HVCN1: variants seen among roughly 807,000 people sequenced by gnomAD.
HVCN1 encodes voltage-gated hydrogen channel 1.
HVCN1 carries 14 observed loss-of-function variants against 29.2 expected under a neutral mutation model. That is an observed-to-expected ratio of 0.48 (90% CI 0.32 to 0.75). HVCN1 has a LOEUF of 0.75. HVCN1 is among the 30% of genes least tolerant of loss of function. The pLI is 0.04. For missense variants in HVCN1, 263 were observed against 341.8 expected (o/e 0.77, Z 1.82); for synonymous variants, 131 against 133.2 (o/e 0.98, Z 0.11).
chr12:110,693,182 G>T (rs1198375171), upstream of HVCN1, among the ~76,000 whole-genome samples: 2 of 151,946 alleles, frequency 1.3e-5, no homozygotes, highest in Non-Finnish European at 2.9e-5. Flanking sequence ...TGAGCCACTG[G>T]CCTTTAACTG....
intron 2 of HVCN1, 115 bp from the exon 3 acceptor site, chr12:110,683,379 GC>G: frequency 7.8e-7 from 1 of 1,279,490 alleles, no homozygotes; most frequent in Non-Finnish European, 1.1e-6. Context: ...TTTTAACTGT[GC>G]CCGAAATTAG....
intron 3 of HVCN1, among the ~76,000 whole-genome samples, chr12:110,679,204 C>T (rs189285137): frequency 2.2e-4 from 33 of 152,228 alleles, no homozygotes; most frequent in African/African-American, 7.7e-4. Flanking sequence ...TTCAACCCAT[C>T]TGGGTGTGGT....
chr12:110,702,125 T>C (rs1268384888), intron 2 of HVCN1, among the ~76,000 whole-genome samples: 1 of 151,560 alleles, frequency 6.6e-6, no homozygotes, highest in East Asian at 2.0e-4. Context: ...CAGGCACACA[T>C]ATATGCTTGT....
At chr12:110,663,980 C>T (rs191391144) in intron 3 of HVCN1, among the ~76,000 whole-genome samples, 5 of 152,182 alleles carry the variant, frequency 3.3e-5, no homozygotes, top group East Asian at 3.9e-4. Flanking sequence ...TGCAGGGGTG[C>T]GATCATAGCT....
intron 2 of HVCN1, among the ~76,000 whole-genome samples, chr12:110,696,441 A>C (rs985837726): frequency 2.0e-5 from 3 of 152,110 alleles, no homozygotes; most frequent in Non-Finnish European, 4.4e-5. Context: ...GGCCCCGTAC[A>C]TAGTGGCATG....
At chr12:110,663,742 C>T (rs2068256920) in intron 3 of HVCN1, among the ~76,000 whole-genome samples, 1 of 151,846 alleles carries the variant, frequency 6.6e-6, no homozygotes, top group South Asian at 2.1e-4. Flanking sequence ...CTGGTGATGC[C>T]CATGTGTACC....
intron 3 of HVCN1, among the ~76,000 whole-genome samples, chr12:110,667,866 C>T (rs1253868749): frequency 6.6e-6 from 1 of 152,144 alleles, no homozygotes; most frequent in South Asian, 2.1e-4. Context: ...CTTTCTGAAA[C>T]CTTGCAACTG....
chr12:110,683,377 G>A, intron 2 of HVCN1, 113 bp from the exon 3 acceptor site: 1 of 1,307,094 alleles, frequency 7.7e-7, no homozygotes, highest in Non-Finnish European at 1.0e-6. Flanking sequence ...AGTTTTAACT[G>A]TGCCCGAAAT....
chr12:110,661,074 G>T lies in HVCN1; in HGVS notation c.306+90C>A. 7.9e-7 allele frequency: 1 copy of T among 1,273,042 alleles called. No individual in the cohort carries two copies. The highest frequency in any genetic ancestry group is 1.1e-6 in the Non-Finnish European group (1 of 905,944). The allele number at this position is 1,273,042 out of a possible 1,614,324, so 78.9% of individuals were successfully genotyped here. ...ACACTCGTAGAATGAATGAGGCAGT[G>T]GCCAAATGGGCTCAGCCTGGCCGCC... is the stretch of plus-strand genomic sequence containing the variant. On this transcript the variant is annotated intron_variant, in intron 4 of 7. Coordinates refer to ENST00000242607, the MANE Select transcript of HVCN1 (RefSeq NM_032369.4). This position sits in a 1 kb window ranked among gnomAD's most constrained non-coding sequence, Gnocchi z 6.2.
In HVCN1 at chr12:110,678,439, C is replaced by CTTT. The variant is rs538999674; in HGVS notation, c.21+4783_21+4785dup. Among the ~76,000 whole-genome samples the CTTT allele has an allele frequency of 2.1e-4, 14 of 65,828 alleles. 1 individual carries two copies. Among genetic ancestry groups the CTTT allele is most frequent in the East Asian group, 5.0e-4 (1 of 1,998 alleles). The allele number at this position is 65,828 out of a possible 152,430, so 43.2% of individuals were successfully genotyped here. A position where few individuals can be genotyped will look rare whatever the true frequency, so the allele number is the denominator to read the frequency against. On this transcript the variant is annotated intron_variant, in intron 3 of 7. Transcript: ENST00000242607. ...TCTTATTTTCCATTTCATTCTATTTCTTTTTTTTTTTTTTTTTTTTTTTTT... is the reference window on the plus strand; with the variant it reads ...TCTTATTTTCCATTTCATTCTATTTCTTTTTTTTTTTTTTTTTTTTTTTTTTTT...
At chr12:110,667,423 C>T (rs1166511758) in intron 3 of HVCN1, among the ~76,000 whole-genome samples, 1 of 150,722 alleles carries the variant, frequency 6.6e-6, no homozygotes, top group Non-Finnish European at 1.5e-5. Context: ...CGTGAGCCAC[C>T]GTGCCTGGCC....
intron 2 of HVCN1, among the ~76,000 whole-genome samples, chr12:110,687,315 G>A (rs1216218623): frequency 1.3e-5 from 2 of 151,776 alleles, no homozygotes; most frequent in African/African-American, 4.8e-5. Flanking sequence ...GGGCCAGGGA[G>A]CAGGCGGGGT....
intron 3 of HVCN1, among the ~76,000 whole-genome samples, chr12:110,675,470 A>G (rs950830734): frequency 3.3e-5 from 5 of 152,222 alleles, no homozygotes; most frequent in Non-Finnish European, 7.3e-5. Context: ...AAAGAAACAG[A>G]AAACCAAAAA....
intron 2 of HVCN1, among the ~76,000 whole-genome samples, chr12:110,701,462 C>T (rs1466720910): frequency 1.3e-5 from 2 of 152,200 alleles, no homozygotes; most frequent in African/African-American, 4.8e-5. Context: ...TTGTCTAGCA[C>T]TCCAGGAGAT....
At chr12:110,671,977 C>T (rs1165706778) in intron 3 of HVCN1, among the ~76,000 whole-genome samples, 1 of 152,246 alleles carries the variant, frequency 6.6e-6, no homozygotes, top group East Asian at 1.9e-4. Flanking sequence ...AGTGGGCACT[C>T]CTGTATGCCA....
At chr12:110,683,926 G>GAA (rs2069085537) in intron 2 of HVCN1, among the ~76,000 whole-genome samples, 1 of 105,802 alleles carries the variant, frequency 9.5e-6, no homozygotes, top group African/African-American at 4.6e-5. Context: ...AAAAAAAAAA[G>GAA]GAAAAAAAAA....
At position 110,676,732 on chromosome 12, in the gene HVCN1, GC is replaced by G. The variant is rs1318492097; in HGVS notation, c.21+6492del. Among the ~76,000 whole-genome samples, 3 of 152,120 alleles carry G rather than the reference GC, an allele frequency of 2.0e-5. No homozygotes were observed. In the East Asian group the frequency reaches 5.8e-4, roughly 29 times the overall value. On this transcript the variant is annotated intron_variant, in intron 3 of 7. Transcript: ENST00000242607. This position sits in a 1 kb window ranked among gnomAD's most constrained non-coding sequence, Gnocchi z 4.1. The stretch of plus-strand genomic sequence containing the variant: ...CCCAACCCAGGAGAGGGCTCTGGAA[GC>G]TTGTGCCAGGTTTTTTCTGAACTTC...
rs2067668868 is a variant in HVCN1 at position 110,649,337 on chromosome 12, G to A, written c.*73C>T. 8.1e-7 allele frequency: 1 copy of A among 1,236,526 alleles called. No homozygotes were observed. The highest frequency in any genetic ancestry group is 1.5e-5 in the African/African-American group (1 of 67,138). The allele number at this position is 1,236,526 out of a possible 1,614,324, so 76.6% of individuals were successfully genotyped here. A position where few individuals can be genotyped will look rare whatever the true frequency, so the allele number is the denominator to read the frequency against. ...AACCTCTCACCAAGCGGCCCAGGAG[G>A]GGCAGCTGTTCCTCTCGTGACAGCA... On this transcript the variant is annotated 3_prime_UTR_variant, in exon 8 of 8. Coordinates refer to ENST00000242607, the MANE Select transcript of HVCN1 (RefSeq NM_032369.4).
chr12:110,701,218 G>A (rs1452082245), intron 2 of HVCN1, among the ~76,000 whole-genome samples: 2 of 152,202 alleles, frequency 1.3e-5, no homozygotes, highest in Non-Finnish European at 2.9e-5. Flanking sequence ...CCTGAAGAGC[G>A]CTGACTAATG....
Sources: gnomAD v4.1 joint callset for allele counts (sites outside exome capture counted in the v4.1 genomes callset) on GRCh38, gnomAD v4.1.1 for gene constraint, Gnocchi (gnomAD v3.1) non-coding constraint, MANE v1.5 for transcripts, NCBI Gene and HGNC (gene_info 2026-07-23, HGNC 2026-07-21) for gene names.